Variants in C17orf107 observed in about 807,000 individuals in gnomAD.
C17orf107 encodes uncharacterized protein C17orf107.
A neutral mutation model predicts 8.9 loss-of-function variants in C17orf107; 9 were observed. The ratio of observed to expected loss-of-function variants is 1.02; its 90% confidence interval spans 0.61 to 1.77. C17orf107 has a LOEUF of 1.77. Among genes scored for constraint, C17orf107 ranks in the 40% most tolerant of loss-of-function variants. The pLI, the probability that C17orf107 is intolerant of heterozygous loss-of-function variation, is 0.00. For missense variants in C17orf107, 281 were observed against 249.0 expected (o/e 1.13, Z -0.86); for synonymous variants, 139 against 120.3 (o/e 1.16, Z -1.02).
Position 4,899,558 on chromosome 17 carries a change from G to A in C17orf107, c.-205G>A, listed in dbSNP as rs748155593. 3 of 1,593,574 alleles carry A rather than the reference G, an allele frequency of 1.9e-6. No homozygotes were observed. Among genetic ancestry groups the A allele is most frequent in the South Asian group, 2.3e-5 (2 of 87,154 alleles). On this transcript the variant is annotated 5_prime_UTR_variant, in exon 1 of 3. Transcript: ENST00000381365. ...CGCAATTCATGACAATGAGCGTGGC[G>A]ACCACCATGACGAAAATAAGGAACC...
chr17:4,905,358 G>A (rs998379713), downstream of C17orf107, among the ~76,000 whole-genome samples: 2 of 151,292 alleles, frequency 1.3e-5, no homozygotes. Flanking sequence ...AGACCAGCCT[G>A]GGCAACACAG....
At chr17:4,902,958 C>T, downstream of C17orf107, 2 of 1,608,362 alleles carry the variant, frequency 1.2e-6, no homozygotes, top group Non-Finnish European at 1.7e-6. This position sits in a 1 kb window ranked among gnomAD's most constrained non-coding sequence, Gnocchi z 4.0. Context: ...CTTTGTCTTC[C>T]CAGTCCCTTC....
rs950026231 is a variant in C17orf107 at position 4,902,786 on chromosome 17, G to A, written c.*2253G>A. The A allele has an allele frequency of 6.2e-7, 1 of 1,614,040 alleles. No homozygotes were observed. Among genetic ancestry groups the A allele is most frequent in the Non-Finnish European group, 8.5e-7 (1 of 1,180,028 alleles). ...TGCCTGCGATGGGGTCAAGAAGGAA[G>A]GGTCATTGGCAATGAAGAGGCTGGA... On this transcript the variant is annotated 3_prime_UTR_variant, in exon 3 of 3. Transcript: ENST00000381365. The surrounding 1 kb of genome is among the most constrained non-coding windows in gnomAD (Gnocchi z 4.0).
chr17:4,901,494 G>T lies in C17orf107; in HGVS notation c.*961G>T. The T allele has an allele frequency of 6.3e-7, 1 of 1,598,888 alleles. No homozygotes were observed. ...TCCCCTCTCTGGACCCCGTCTAGAA[G>T]CGGGTTTTTCTGAGCAGGCAGGGGC... is the stretch of plus-strand genomic sequence containing the variant. On this transcript the variant is annotated 3_prime_UTR_variant, in exon 3 of 3. Coordinates refer to ENST00000381365, the MANE Select transcript of C17orf107 (RefSeq NM_001145536.2).
Position 4,900,712 on chromosome 17 carries a change from AG to A in C17orf107, c.*180del. ...GCCCAGGGCGGGGCGAGACAGCCAG[AG>A]CTTTTCCCGGGGTCTCTGGGTTTTG... On this transcript the variant is annotated 3_prime_UTR_variant, in exon 3 of 3. Transcript: ENST00000381365. 1 of 1,491,404 alleles carries A rather than the reference AG, an allele frequency of 6.7e-7. No homozygotes were observed. The highest frequency in any genetic ancestry group is 9.1e-7 in the Non-Finnish European group (1 of 1,093,866). 92.4% of individuals were successfully genotyped at this position (1,491,404 alleles called of 1,614,324 possible).
At chr17:4,905,766 C>T (rs1051316842), downstream of C17orf107, among the ~76,000 whole-genome samples, 12 of 151,826 alleles carry the variant, frequency 7.9e-5, no homozygotes, top group Admixed American at 7.2e-4. Context: ...GAGGCTGAGG[C>T]AGGAGAATCA....
downstream of C17orf107, among the ~76,000 whole-genome samples, chr17:4,903,286 C>T (rs762752852): frequency 3.0e-4 from 45 of 152,276 alleles, no homozygotes; most frequent in South Asian, 8.3e-4. Flanking sequence ...GCCCAGCGTC[C>T]TTTGCCTGGT....
At chr17:4,905,742 T>C (rs548374186), downstream of C17orf107, among the ~76,000 whole-genome samples, 1 of 151,948 alleles carries the variant, frequency 6.6e-6, no homozygotes, top group East Asian at 1.9e-4. Context: ...GCACCTGTAA[T>C]CCCAGCTACT....
Position 4,902,173 on chromosome 17 carries a change from C to T in C17orf107, c.*1640C>T, listed in dbSNP as rs760978631. ...TCCCCAACCAAGTCCAGCCCGCACC[C>T]CAGGCCGGCTTCCCTCCAGCCTGGC... On this transcript the variant is annotated 3_prime_UTR_variant, in exon 3 of 3. Transcript: ENST00000381365. The surrounding 1 kb of genome is among the most constrained non-coding windows in gnomAD (Gnocchi z 4.0). 9.9e-6 allele frequency: 16 copies of T among 1,613,742 alleles called. No homozygotes were observed. The South Asian group carries it at 1.6e-4, about 17-fold the overall frequency.
chr17:4,901,561 T>G lies in C17orf107; in HGVS notation c.*1028T>G. On this transcript the variant is annotated 3_prime_UTR_variant, in exon 3 of 3. Transcript: ENST00000381365. ...TCTGTGTCGATGTCGATCTTGTTGATGGTCTTGCCGTCGTTGTCTACGGCA... is the reference window on the plus strand; with the variant it reads ...TCTGTGTCGATGTCGATCTTGTTGAGGGTCTTGCCGTCGTTGTCTACGGCA... The G allele has an allele frequency of 6.2e-7, 1 of 1,614,188 alleles. No homozygotes were observed. The highest frequency in any genetic ancestry group is 8.5e-7 in the Non-Finnish European group (1 of 1,180,020).
chr17:4,900,142 A>T lies in C17orf107; in HGVS notation c.273A>T (p.Leu91Phe). 6.5e-7 allele frequency: 1 copy of T among 1,550,026 alleles called. No homozygotes were observed. Among genetic ancestry groups the T allele is most frequent in the Admixed American group, 2.0e-5 (1 of 50,956 alleles). ...ASLVSFGTTL[L>F]EISALWLQQE... ...TCGTGAGCTTCGGCACCACCTTGTT[A>T]GAGGTGGGGTACTGGGGGGCTTAGG... is the stretch of plus-strand genomic sequence containing the variant. Residue 91 changes from leucine to phenylalanine, a missense_variant, in exon 2 of 3, where the codon TTA becomes TTT. Physicochemically the swap from Leu to Phe is conservative, Grantham distance 22. Coordinates refer to ENST00000381365, the MANE Select transcript of C17orf107 (RefSeq NM_001145536.2).
Position 4,901,721 on chromosome 17 carries a change from T to TCCCAAGCCCACCCCTTCA in C17orf107, c.*1199_*1216dup. On this transcript the variant is annotated 3_prime_UTR_variant, in exon 3 of 3. Coordinates refer to ENST00000381365, the MANE Select transcript of C17orf107 (RefSeq NM_001145536.2). ...AAGCTGGGATCTAGCGGGGCCGCGA[T>TCCCAAGCCCACCCCTTCA]CCCAAGCCCACCCCTTCACCCAAGC... The TCCCAAGCCCACCCCTTCA allele has an allele frequency of 3.0e-6, 4 of 1,345,062 alleles. No homozygotes were observed. In the South Asian group the frequency reaches 4.7e-5, roughly 16 times the overall value. 83.3% of individuals were successfully genotyped at this position (1,345,062 alleles called of 1,614,324 possible). A position where few individuals can be genotyped will look rare whatever the true frequency, so the allele number is the denominator to read the frequency against.
intron 1 of C17orf107, 32 bp downstream of exon 1, chr17:4,899,860 G>C (rs540854905): frequency 6.5e-7 from 1 of 1,550,374 alleles, no homozygotes; most frequent in Non-Finnish European, 8.7e-7. Context: ...GCTGCACCTC[G>C]AGACCTTCTG....
rs964750991 is a variant in C17orf107, at chr17:4,900,581, C to A, written c.*48C>A. Reference sequence around the variant, plus strand: ...GGAGGCACTGAGCCGGACTGTCCCCCAAGAGAGCTACTCGGGAGACCTCCA... The same window carrying A: ...GGAGGCACTGAGCCGGACTGTCCCCAAAGAGAGCTACTCGGGAGACCTCCA... On this transcript the variant is annotated 3_prime_UTR_variant, in exon 3 of 3. Transcript: ENST00000381365. 20 of 1,547,338 alleles carry A rather than the reference C, an allele frequency of 1.3e-5. No homozygotes were observed. Among genetic ancestry groups the A allele is most frequent in the Non-Finnish European group, 1.7e-5 (20 of 1,144,880 alleles).
Position 4,902,493 on chromosome 17 carries a change from T to C in C17orf107, c.*1960T>C. 6.2e-7 allele frequency: 1 copy of C among 1,614,160 alleles called. No individual in the cohort carries two copies. The highest frequency in any genetic ancestry group is 8.5e-7 in the Non-Finnish European group (1 of 1,180,034). On this transcript the variant is annotated 3_prime_UTR_variant, in exon 3 of 3. Coordinates refer to ENST00000381365, the MANE Select transcript of C17orf107 (RefSeq NM_001145536.2). The surrounding 1 kb of genome is among the most constrained non-coding windows in gnomAD (Gnocchi z 4.0). ...AGTGGTGAGAGTCTCCTCTTTTTCA[T>C]TCTGCAGATGGGAGATGGGGATGAT...
In C17orf107 at chr17:4,901,785, C is replaced by T. The variant is rs543532019; in HGVS notation, c.*1252C>T. ...CTCTGTTCCCATCTGTACCTCCGGC[C>T]GCGCTGGAGCGTCCCACCCAGTGCC... On this transcript the variant is annotated 3_prime_UTR_variant, in exon 3 of 3. Transcript: ENST00000381365. The T allele has an allele frequency of 8.0e-5, 106 of 1,319,124 alleles. 1 individual carries two copies. The highest frequency in any genetic ancestry group is 2.6e-4 in the East Asian group (11 of 42,392). 81.7% of individuals were successfully genotyped at this position (1,319,124 alleles called of 1,614,324 possible).
At position 4,901,249 on chromosome 17, in the gene C17orf107, G is replaced by A. The variant is rs1270405374; in HGVS notation, c.*716G>A. The A allele has an allele frequency of 5.1e-6, 8 of 1,570,542 alleles. No homozygotes were observed. Among genetic ancestry groups the A allele is most frequent in the Non-Finnish European group, 6.9e-6 (8 of 1,158,060 alleles). ...GAGCGGGGCGCCCGCCGAGCTGACA[G>A]CGGGCTGAAGAGGAGGCTGCGGCTG... On this transcript the variant is annotated 3_prime_UTR_variant, in exon 3 of 3. Transcript: ENST00000381365.
Position 4,900,768 on chromosome 17 carries a change from A to AC in C17orf107, c.*240dup, listed in dbSNP as rs149568951. 6,383 of 1,602,566 alleles carry AC rather than the reference A, an allele frequency of 4.0e-3. 14 individuals are homozygous for AC. The highest frequency in any genetic ancestry group is 7.2e-3 in the Middle Eastern group (43 of 5,996). ...CGCCCCCACCCTTCACACTGGCCACACCCCCGCGGGGGCTCCGGCTTCACC... is the reference window on the plus strand; with the variant it reads ...CGCCCCCACCCTTCACACTGGCCACACCCCCCGCGGGGGCTCCGGCTTCACC... On this transcript the variant is annotated 3_prime_UTR_variant, in exon 3 of 3. Coordinates refer to ENST00000381365, the MANE Select transcript of C17orf107 (RefSeq NM_001145536.2).
chr17:4,904,237 C>G (rs1970060098), downstream of C17orf107, among the ~76,000 whole-genome samples: 1 of 151,838 alleles, frequency 6.6e-6, no homozygotes, highest in South Asian at 2.1e-4. Flanking sequence ...CACTCTGTCA[C>G]CCAGACAGGA....
Sources: gnomAD v4.1 joint callset for allele counts (sites outside exome capture counted in the v4.1 genomes callset) on GRCh38, gnomAD v4.1.1 for gene constraint, Gnocchi (gnomAD v3.1) non-coding constraint, MANE v1.5 for transcripts, NCBI Gene and HGNC (gene_info 2026-07-23, HGNC 2026-07-21) for gene names.